The following SCGB1C1 variants were observed in gnomAD, a reference collection of about 807,000 sequenced individuals.
The protein encoded by SCGB1C1 is ligand binding protein RYD5.
SCGB1C1 carries 2 observed loss-of-function variants against 8.9 expected under a neutral mutation model. The ratio of observed to expected loss-of-function variants is 0.23; its 90% confidence interval spans 0.09 to 0.71. The LOEUF (loss-of-function observed/expected upper bound fraction) is 0.71, where lower values mean the gene tolerates loss of function less well. SCGB1C1 is among the 30% of genes least tolerant of loss of function. SCGB1C1 has a pLI of 0.78. For synonymous variants in SCGB1C1, 6 were observed against 45.8 expected (o/e 0.13, Z 3.51); for missense variants, 25 against 112.7 (o/e 0.22, Z 3.52).
rs375492207 is a variant in SCGB1C1, at chr11:194,401, A to G, written c.256-17A>G. 5.6e-3 allele frequency: 4,195 copies of G among 753,032 alleles called. 36 individuals carry two copies. The highest frequency in any genetic ancestry group is 0.035 in the South Asian group (2,258 of 65,020). The allele number at this position is 753,032 out of a possible 1,614,324, so 46.6% of individuals were successfully genotyped here. A position where few individuals can be genotyped will look rare whatever the true frequency, so the allele number is the denominator to read the frequency against. On this transcript the variant is annotated splice_polypyrimidine_tract_variant and intron_variant, in intron 2 of 2. Transcript: ENST00000342878. ...ATTGAGCACAGCCCTCTTAGTCCAC[A>G]TGTGTCTGCCTTCCAGGTGCAAGTG...
At chr11:188,365 T>C (rs1199320629), upstream of SCGB1C1, among the ~76,000 whole-genome samples, 1 of 150,596 alleles carries the variant, frequency 6.6e-6, no homozygotes, top group Non-Finnish European at 1.5e-5. Flanking sequence ...TTAAAAATCA[T>C]TTACGGTCAT....
chr11:191,853 A>G (rs866317621), upstream of SCGB1C1, among the ~76,000 whole-genome samples: 2 of 19,744 alleles, frequency 1.0e-4, no homozygotes, highest in Non-Finnish European at 3.8e-4. Context: ...CCCTAACCCT[A>G]ACCCCTAACC....
At chr11:189,656 C>T (rs1854749121), upstream of SCGB1C1, among the ~76,000 whole-genome samples, 1 of 152,286 alleles carries the variant, frequency 6.6e-6, no homozygotes, top group Non-Finnish European at 1.5e-5. Context: ...GGGCGCGGCG[C>T]AGAGACGGGT....
chr11:189,555 G>A (rs1459465447), upstream of SCGB1C1, among the ~76,000 whole-genome samples: 6 of 144,328 alleles, frequency 4.2e-5, no homozygotes, highest in Non-Finnish European at 7.6e-5. Context: ...TGGGTTTGGG[G>A]GGAGGTGGGT....
At chr11:191,501 ATT>A (rs2133720320), upstream of SCGB1C1, among the ~76,000 whole-genome samples, 1 of 137,932 alleles carries the variant, frequency 7.2e-6, no homozygotes, top group Non-Finnish European at 1.5e-5. Context: ...CTGAGAAAGA[ATT>A]TGTCTTCAAA....
upstream of SCGB1C1, among the ~76,000 whole-genome samples, chr11:189,427 CGGCGCGCCGGCGCAGGCGCACAGA>C (rs1854733730): frequency 6.7e-6 from 1 of 150,152 alleles, no homozygotes; most frequent in Non-Finnish European, 1.5e-5. Context: ...GACAGAGACG[CGGCGCGCCGGCGCAGGCGCACAGA>C]GGCGCGGCGC....
chr11:193,650 A>G (rs1854857475), intron 1 of SCGB1C1, 62 bp from the exon 2 acceptor site: 2 of 1,590,972 alleles, frequency 1.3e-6, no homozygotes, highest in African/African-American at 2.7e-5. Flanking sequence ...GGGCAGGTCC[A>G]GGGCTGTGGT....
chr11:191,884 TAACCCC>T, upstream of SCGB1C1, among the ~76,000 whole-genome samples: 1 of 4,464 alleles, frequency 2.2e-4, no homozygotes, highest in South Asian at 5.8e-3. Context: ...ACCCTAACCC[TAACCCC>T]TACCCCTAAC....
upstream of SCGB1C1, among the ~76,000 whole-genome samples, chr11:189,991 T>TGG (rs1854763698): frequency 6.6e-6 from 1 of 152,158 alleles, no homozygotes; most frequent in Non-Finnish European, 1.5e-5. Context: ...TGCAGTGTAG[T>TGG]CGGGGCACGC....
upstream of SCGB1C1, among the ~76,000 whole-genome samples, chr11:190,472 A>C (rs1482307838): frequency 1.3e-5 from 2 of 152,012 alleles, no homozygotes; most frequent in African/African-American, 4.8e-5. Context: ...ATTGAAAAGA[A>C]ACACAGTGTA....
At chr11:192,690 CAG>C (rs1274169559), upstream of SCGB1C1, among the ~76,000 whole-genome samples, 4 of 151,056 alleles carry the variant, frequency 2.6e-5, no homozygotes, top group African/African-American at 9.7e-5. Context: ...CCAGATCACA[CAG>C]CACACTGATA....
upstream of SCGB1C1, among the ~76,000 whole-genome samples, chr11:190,478 G>A (rs1253131577): frequency 6.6e-6 from 1 of 152,052 alleles, no homozygotes; most frequent in African/African-American, 2.4e-5. Context: ...AAGAAACACA[G>A]TGTAAAGAGT....
upstream of SCGB1C1, among the ~76,000 whole-genome samples, chr11:191,650 T>G (rs111707881): frequency 0.13 from 18,248 of 143,160 alleles, no homozygotes; most frequent in Non-Finnish European, 0.18. Context: ...GTGGTTACAA[T>G]TGAAAACCAC....
chr11:192,509 T>A (rs1854831182), upstream of SCGB1C1, among the ~76,000 whole-genome samples: 1 of 149,206 alleles, frequency 6.7e-6, no homozygotes, highest in Admixed American at 6.7e-5. Flanking sequence ...TCAGGCCACC[T>A]TCTCTCTTCT....
At chr11:189,705 C>T (rs1481593512), upstream of SCGB1C1, among the ~76,000 whole-genome samples, 1 of 152,256 alleles carries the variant, frequency 6.6e-6, no homozygotes, top group Non-Finnish European at 1.5e-5. Flanking sequence ...TCGGGCGCCC[C>T]CTGCTTGCAG....
chr11:189,456 C>A (rs552084023), upstream of SCGB1C1, among the ~76,000 whole-genome samples: 7 of 105,024 alleles, frequency 6.7e-5, no homozygotes, highest in East Asian at 1.5e-3. Flanking sequence ...CACAGAGGCG[C>A]GGCGCGCGGG....
At chr11:191,776 A>T (rs1374796620), upstream of SCGB1C1, among the ~76,000 whole-genome samples, 1 of 152,310 alleles carries the variant, frequency 6.6e-6, no homozygotes, top group African/African-American at 2.4e-5. Flanking sequence ...ACAGCGTATA[A>T]GACCAAAATA....
At chr11:190,189 GCTGGC>G (rs1854771915), upstream of SCGB1C1, among the ~76,000 whole-genome samples, 2 of 38,080 alleles carry the variant, frequency 5.3e-5, no homozygotes, top group South Asian at 2.2e-3. Context: ...TACGCCCCCT[GCTGGC>G]AGCTGGGGAC....
At chr11:190,791 G>A (rs1236972383), upstream of SCGB1C1, among the ~76,000 whole-genome samples, 9 of 152,246 alleles carry the variant, frequency 5.9e-5, no homozygotes, top group Admixed American at 3.3e-4. Context: ...TACCTACTGC[G>A]CCTGCCTCTT....
Sources: gnomAD v4.1 joint callset for allele counts (sites outside exome capture counted in the v4.1 genomes callset) on GRCh38, gnomAD v4.1.1 for gene constraint, MANE v1.5 for transcripts, NCBI Gene and HGNC (gene_info 2026-07-23, HGNC 2026-07-21) for gene names.